MYH7B: variants seen among roughly 807,000 people sequenced by gnomAD.
MYH7B encodes the protein myosin-7B.
In MYH7B, 205 loss-of-function variants were observed where a neutral mutation model predicts 234.5. The observed-to-expected ratio is 0.87, with a 90% CI of 0.78 to 0.98. The LOEUF (loss-of-function observed/expected upper bound fraction) is 0.98. Among genes scored for constraint, MYH7B ranks in the 50% least tolerant of loss-of-function variants. The pLI is 0.00. For synonymous variants in MYH7B, 1,193 were observed against 1,105.0 expected, an observed-to-expected ratio of 1.08 and a Z score of -1.58; for missense variants, 2,652 against 2,633.4, an observed-to-expected ratio of 1.01 and a Z score of -0.15.
chr20:34,994,533 G>A, intron 27 of MYH7B, 132 bp downstream of exon 27: 1 of 1,143,888 alleles, frequency 8.7e-7, no homozygotes, highest in Non-Finnish European at 1.2e-6. Flanking sequence ...CATGAGATGA[G>A]GCCTCCATGT....
At chr20:34,980,060 A>T (rs2081919755) in intron 7 of MYH7B, 1 of 537,526 alleles carries the variant, frequency 1.9e-6, no homozygotes. Context: ...GCGGGTCTAG[A>T]ACTCACCTGC....
Position 34,990,605 on chromosome 20 carries a change from C to A in MYH7B, c.1978-133C>A, listed in dbSNP as rs894817127. 6.1e-6 allele frequency: 5 copies of A among 819,950 alleles called. No individual in the cohort carries two copies. The African/African-American group carries it at 8.5e-5, about 14-fold the overall frequency. 50.8% of individuals were successfully genotyped at this position (819,950 alleles called of 1,614,324 possible). A position where few individuals can be genotyped will look rare whatever the true frequency, so the allele number is the denominator to read the frequency against. ...GGAGACAGCGAAGGGTCTCCCATCA[C>A]CAGAATGAGAGTGAAAGAGCAAAAG... On this transcript the variant is annotated intron_variant, in intron 22 of 44. Coordinates refer to ENST00000262873, the Ensembl canonical transcript of MYH7B.
At chr20:34,997,366 A>G in exon 32 of MYH7B, 2 of 1,528,864 alleles carry the variant, frequency 1.3e-6, no homozygotes, top group Non-Finnish European at 1.8e-6. Context: ...GAGCGGCTGG[A>G]GGAGGCAGGC....
At chr20:34,979,835 T>G (rs1600421544) in intron 7 of MYH7B, 31 bp downstream of exon 7, 1 of 1,584,932 alleles carries the variant, frequency 6.3e-7, no homozygotes. Context: ...ATGGGCGGGG[T>G]GGGGCTTGTA....
intron 3 of MYH7B, among the ~76,000 whole-genome samples, chr20:34,976,758 G>T (rs2081858616): frequency 6.6e-6 from 1 of 152,208 alleles, no homozygotes; most frequent in Admixed American, 6.5e-5. Flanking sequence ...AGGATGGGGA[G>T]GGAGGAAGAG....
intron 3 of MYH7B, among the ~76,000 whole-genome samples, chr20:34,976,356 C>T (rs868306862): frequency 1.3e-5 from 2 of 152,220 alleles, no homozygotes; most frequent in South Asian, 4.1e-4. Context: ...CCGTGTGAGC[C>T]TGGTCTGGCC....
chr20:34,989,731 T>G lies in MYH7B; in HGVS notation c.1588-9T>G, dbSNP rs375307595. Reference sequence around the variant, plus strand: ...TGATGGTGGCTTTTCAAGCTCGTTCTGTTCCCAGCCACTGGGCATCCTGTC... The same window carrying G: ...TGATGGTGGCTTTTCAAGCTCGTTCGGTTCCCAGCCACTGGGCATCCTGTC... On this transcript the variant is annotated splice_polypyrimidine_tract_variant and intron_variant, in intron 19 of 44. Coordinates refer to ENST00000262873, the Ensembl canonical transcript of MYH7B. 3.7e-6 allele frequency: 6 copies of G among 1,612,820 alleles called. No individual in the cohort carries two copies. In the African/African-American group the frequency reaches 8.0e-5, roughly 22 times the overall value.
intron 24 of MYH7B, among the ~76,000 whole-genome samples, chr20:34,991,645 A>G (rs2082153152): frequency 6.6e-6 from 1 of 152,162 alleles, no homozygotes; most frequent in Admixed American, 6.5e-5. Context: ...AACGAGAATC[A>G]TGTGGACGAG....
intron 24 of MYH7B, among the ~76,000 whole-genome samples, chr20:34,992,561 G>GTTTTT (rs71196773): frequency 2.5e-5 from 3 of 118,324 alleles, no homozygotes; most frequent in Admixed American, 1.0e-4. Context: ...CCAAGGTTGT[G>GTTTTT]TTTTTTTTTT....
intron 2 of MYH7B, among the ~76,000 whole-genome samples, chr20:34,967,652 G>A (rs2081755435): frequency 6.6e-6 from 1 of 152,164 alleles, no homozygotes; most frequent in African/African-American, 2.4e-5. Flanking sequence ...TTCCTGGGGA[G>A]GCCCCTGTGT....
At position 34,984,956 on chromosome 20, in the gene MYH7B, T is replaced by G; in HGVS notation, c.741+10T>G. 2 of 1,612,612 alleles carry G rather than the reference T, an allele frequency of 1.2e-6. No homozygotes were observed. Among genetic ancestry groups the G allele is most frequent in the Non-Finnish European group, 1.7e-6 (2 of 1,178,692 alleles). ...TAACTCCTCCCGCTTTGTGAGTGGC[T>G]GAGGTGGGAGGGGTGGCGGGGATGC... On this transcript the variant is annotated intron_variant, in intron 12 of 44. Coordinates refer to ENST00000262873, the Ensembl canonical transcript of MYH7B.
Position 34,994,248 on chromosome 20 carries a change from G to A in MYH7B, c.2547G>A (p.Ser849=), listed in dbSNP as rs191773517. ...TCAAGATGAAGCCGCTGCTGCGCTC[G>A]GCGCAGGCTGAGGAGGAGCTGGCGG... Residue 849 remains serine, a synonymous_variant, in exon 27 of 45, where the codon TCG becomes TCA. Coordinates refer to ENST00000262873, the Ensembl canonical transcript of MYH7B. The A allele has an allele frequency of 6.2e-6, 10 of 1,613,080 alleles. No individual in the cohort carries two copies. In the African/African-American group the frequency reaches 6.7e-5, roughly 11 times the overall value.
chr20:34,978,256 T>G (rs925141976), intron 5 of MYH7B, among the ~76,000 whole-genome samples, 160 bp downstream of exon 5: 3 of 152,048 alleles, frequency 2.0e-5, no homozygotes, highest in African/African-American at 4.8e-5. Context: ...GCCTGGAAAT[T>G]AAAACCCCAG....
At chr20:34,984,741 G>T (rs1276651775) in intron 11 of MYH7B, 26 bp downstream of exon 11, 17 of 1,606,186 alleles carry the variant, frequency 1.1e-5, no homozygotes, top group Non-Finnish European at 1.4e-5. Flanking sequence ...ATGTCAATGG[G>T]GCAGCCCTGG....
chr20:34,972,013 A>G (rs117960930), intron 2 of MYH7B, among the ~76,000 whole-genome samples: 2 of 151,790 alleles, frequency 1.3e-5, no homozygotes, highest in East Asian at 3.9e-4. Flanking sequence ...CATGCTGTCC[A>G]TTTCCTGTCC....
chr20:34,994,631 A>ACCCCAGCT (rs886436683), intron 27 of MYH7B, among the ~76,000 whole-genome samples: 5 of 152,080 alleles, frequency 3.3e-5, no homozygotes, highest in Admixed American at 3.3e-4. Flanking sequence ...AAGCAGAGGA[A>ACCCCAGCT]CCCCAGCTCC....
intron 2 of MYH7B, among the ~76,000 whole-genome samples, chr20:34,958,421 A>C (rs988066171): frequency 1.3e-5 from 2 of 152,036 alleles, no homozygotes; most frequent in African/African-American, 4.8e-5. Context: ...GGTCATTCAG[A>C]TGTTTCATCC....
chr20:35,002,077 G>A (rs1321257556), exon 44 of MYH7B: 6 of 1,613,870 alleles, frequency 3.7e-6, no homozygotes, highest in Non-Finnish European at 5.1e-6. Context: ...GGACGCCCTG[G>A]GCCCCAAGGT....
In MYH7B at chr20:34,972,057, C is replaced by G. The variant is rs753306206; in HGVS notation, c.-221-3343C>G. 1.1e-3 allele frequency among the ~76,000 whole-genome samples: 174 copies of G among 152,328 alleles called. 2 individuals carry two copies. The Middle Eastern group carries it at 0.024, about 21-fold the overall frequency. ...CACCTCCATGCCAGACCCATCCGCT[C>G]TCACCCGGGTGACAGCAGCAGCTCG... On this transcript the variant is annotated intron_variant, in intron 2 of 44. Transcript: ENST00000262873.
Sources: gnomAD v4.1 joint callset for allele counts (sites outside exome capture counted in the v4.1 genomes callset) on GRCh38, gnomAD v4.1.1 for gene constraint, MANE v1.5 for transcripts, NCBI Gene and HGNC (gene_info 2026-07-23, HGNC 2026-07-21) for gene names.